Variants in RORB observed in about 807,000 individuals in gnomAD.
The protein encoded by RORB is nuclear receptor ROR-beta.
Under a neutral mutation model 59.1 loss-of-function variants are expected in RORB, and 6 were observed. The ratio of observed to expected loss-of-function variants is 0.10; its 90% CI spans 0.06 to 0.20. RORB has a LOEUF of 0.20. Among genes scored for constraint, RORB ranks in the 10% least tolerant of loss-of-function variants. The pLI is 1.00. For missense variants in RORB, 320 were observed against 560.5 expected (o/e 0.57, Z 4.33); for synonymous variants, 215 against 204.5 (o/e 1.05, Z -0.44).
intron 1 of RORB, among the ~76,000 whole-genome samples, chr9:74,525,490 C>T (rs1357729601): frequency 1.3e-5 from 2 of 151,892 alleles, no homozygotes; most frequent in African/African-American, 4.8e-5. Flanking sequence ...TATCTTTATA[C>T]ATAACTGATC....
chr9:74,660,552 C>T, intron 4 of RORB, 65 bp from the exon 5 acceptor site: 2 of 1,481,302 alleles, frequency 1.4e-6, no homozygotes, highest in East Asian at 2.3e-5. Context: ...ATAGTAAACA[C>T]ATTAAAAGCT....
At chr9:74,654,331 GGGGA>G (rs1824043299) in intron 4 of RORB, among the ~76,000 whole-genome samples, 1 of 97,786 alleles carries the variant, frequency 1.0e-5, no homozygotes. Flanking sequence ...TACAGTCTCA[GGGGA>G]GAGAGAGAGA....
intron 6 of RORB, 28 bp downstream of exon 6, chr9:74,662,634 A>G (rs751348151): frequency 3.7e-6 from 6 of 1,609,594 alleles, no homozygotes; most frequent in Admixed American, 1.7e-5. Flanking sequence ...TGGGAGGCCT[A>G]TTTCAGATAA....
At chr9:74,609,902 A>G (rs12341886) in intron 1 of RORB, among the ~76,000 whole-genome samples, 2,601 of 152,302 alleles carry the variant, frequency 0.017, 63 homozygotes, top group African/African-American at 0.056. Context: ...CATCTAGTGG[A>G]TAGAGGCCAA....
At chr9:74,654,270 T>C (rs554481770) in intron 4 of RORB, among the ~76,000 whole-genome samples, 1 of 152,108 alleles carries the variant, frequency 6.6e-6, no homozygotes, top group Non-Finnish European at 1.5e-5. Flanking sequence ...GATTTATTAA[T>C]AGATCACAAT....
intron 1 of RORB, among the ~76,000 whole-genome samples, chr9:74,510,467 A>T (rs75065335): frequency 6.9e-4 from 105 of 152,282 alleles, no homozygotes; most frequent in Middle Eastern, 6.8e-3. Flanking sequence ...TAAGAGAGGA[A>T]CTATGTAAAC....
At chr9:74,562,691 C>T (rs972903) in intron 1 of RORB, among the ~76,000 whole-genome samples, 62,917 of 152,064 alleles carry the variant, frequency 0.41, 14,029 homozygotes, top group East Asian at 0.77. Context: ...AACATGGACA[C>T]TGGAATCCAT....
intron 1 of RORB, among the ~76,000 whole-genome samples, chr9:74,611,306 A>G (rs1823227839): frequency 6.6e-6 from 1 of 152,214 alleles, no homozygotes; most frequent in South Asian, 2.1e-4. Flanking sequence ...GTGACAATTA[A>G]ATGCCAGATC....
At chr9:74,566,893 A>G (rs1383014139) in intron 1 of RORB, among the ~76,000 whole-genome samples, 3 of 152,264 alleles carry the variant, frequency 2.0e-5, no homozygotes, top group African/African-American at 7.2e-5. Flanking sequence ...TTATTCAGCC[A>G]TACTGACGTT....
intron 3 of RORB, among the ~76,000 whole-genome samples, chr9:74,641,639 A>G (rs1408893702): frequency 6.6e-6 from 1 of 152,112 alleles, no homozygotes; most frequent in Non-Finnish European, 1.5e-5. Flanking sequence ...AGTGGCTCAC[A>G]TCTGTAATCC....
At chr9:74,652,561 TTG>T (rs1394183323) in intron 4 of RORB, among the ~76,000 whole-genome samples, 1 of 152,206 alleles carries the variant, frequency 6.6e-6, no homozygotes, top group Non-Finnish European at 1.5e-5. Flanking sequence ...GTTTATTGAA[TTG>T]TGTTTTATTA....
chr9:74,552,072 T>C (rs1587356121), intron 1 of RORB, among the ~76,000 whole-genome samples: 1 of 152,150 alleles, frequency 6.6e-6, no homozygotes, highest in East Asian at 1.9e-4. Context: ...GGCCGTCAGG[T>C]GGAAGAGAGG....
intron 1 of RORB, among the ~76,000 whole-genome samples, chr9:74,618,209 G>A (rs1341866947): frequency 1.3e-5 from 2 of 152,008 alleles, no homozygotes; most frequent in East Asian, 3.9e-4. Context: ...GTAAGTATTT[G>A]GGGCATCAGT....
chr9:74,512,958 T>C (rs1040469704), intron 1 of RORB, among the ~76,000 whole-genome samples: 4 of 152,178 alleles, frequency 2.6e-5, no homozygotes, highest in Non-Finnish European at 5.9e-5. Flanking sequence ...GAGAAAATGA[T>C]CGATTTTAAT....
intron 1 of RORB, 69 bp from the exon 2 acceptor site, chr9:74,630,213 G>C: frequency 6.3e-7 from 1 of 1,576,872 alleles, no homozygotes; most frequent in Non-Finnish European, 8.6e-7. Flanking sequence ...TAGATGGGGA[G>C]AGAGATAGGA....
At chr9:74,546,136 A>C (rs1826484820) in intron 1 of RORB, among the ~76,000 whole-genome samples, 1 of 152,180 alleles carries the variant, frequency 6.6e-6, no homozygotes, top group Non-Finnish European at 1.5e-5. Flanking sequence ...AGCAATCTAA[A>C]AATGACGAAG....
At chr9:74,572,316 C>T (rs181345941) in intron 1 of RORB, among the ~76,000 whole-genome samples, 1 of 152,178 alleles carries the variant, frequency 6.6e-6, no homozygotes, top group African/African-American at 2.4e-5. Flanking sequence ...TGTCTCAAGA[C>T]CAAAGTCACA....
intron 2 of RORB, among the ~76,000 whole-genome samples, chr9:74,632,443 T>C (rs937118114): frequency 1.3e-5 from 2 of 152,180 alleles, no homozygotes; most frequent in African/African-American, 2.4e-5. Flanking sequence ...GCACATTCAG[T>C]ATCAACCTCT....
chr9:74,579,322 A>C (rs1822684920), intron 1 of RORB, among the ~76,000 whole-genome samples: 1 of 152,252 alleles, frequency 6.6e-6, no homozygotes, highest in East Asian at 1.9e-4. Flanking sequence ...ACATTAATTA[A>C]TGATTTACAC....
Sources: allele counts gnomAD v4.1 joint callset (sites outside exome capture counted in the v4.1 genomes callset), GRCh38; gene constraint gnomAD v4.1.1; transcripts MANE v1.5; gene names NCBI Gene and HGNC (gene_info 2026-07-23, HGNC 2026-07-21).